RYR1: variants seen among roughly 807,000 people sequenced by gnomAD.
RYR1 encodes the protein ryanodine receptor 1, also known as central core disease of muscle.
In RYR1, 342 loss-of-function variants were observed where a neutral mutation model predicts 583.5. The observed-to-expected ratio is 0.59, with a 90% CI of 0.54 to 0.64. The LOEUF (loss-of-function observed/expected upper bound fraction) is 0.64, where lower values mean the gene tolerates loss of function less well. Among genes scored for constraint, RYR1 ranks in the 30% least tolerant of loss-of-function variants. The pLI, the probability that RYR1 is intolerant of heterozygous loss-of-function variation, is 0.00. For synonymous variants in RYR1, 2,791 were observed against 2,822.5 expected, an observed-to-expected ratio of 0.99 and a Z score of 0.35; for missense variants, 6,032 against 6,917.2, an observed-to-expected ratio of 0.87 and a Z score of 4.54.
rs1386118815 is a variant in RYR1 at position 38,483,039 on chromosome 19, A to T, written c.4633A>T (p.Thr1545Ser). ...SNTFFQVEPN[T>S]KLFPAVFVLP... The stretch of plus-strand genomic sequence containing the variant: ...TCTCCTCTGCCAGGTGGAACCCAAC[A>T]CTAAGCTATTTCCTGCCGTCTTCGT... The change falls in exon 32 of 106, where the codon ACT becomes TCT. Residue 1545 changes from threonine (T) to serine (S), a missense_variant. Physicochemically the swap from Thr to Ser is moderately conservative, Grantham distance 58. Around this residue, in one of 11 missense-constraint regions of RYR1, gnomAD observed 2,627 missense variants for 2,961.3 expected, o/e 0.89. Transcript: ENST00000359596. The surrounding 1 kb of genome is among the most constrained non-coding windows in gnomAD (Gnocchi z 6.3). 6.2e-7 allele frequency: 1 copy of T among 1,614,018 alleles called. No homozygotes were observed. The highest frequency in any genetic ancestry group is 1.6e-4 in the Middle Eastern group (1 of 6,062).
At position 38,516,205 on chromosome 19, in the gene RYR1, C is replaced by A. The variant is rs766665861; in HGVS notation, c.9673C>A (p.Arg3225=). Reference sequence around the variant, plus strand: ...CTCCGTGTACACCACCAAGTCTCCGCGGGAGCGGGCCAGTAAGCTGTGTGG... The same window carrying A: ...CTCCGTGTACACCACCAAGTCTCCGAGGGAGCGGGCCAGTAAGCTGTGTGG... ...ACSVYTTKSP[R]ERAILGLPNS... is the part of the protein sequence containing the mutation. Residue 3225 remains arginine, a synonymous_variant, in exon 65 of 106, where the codon CGG becomes AGG. Coordinates refer to ENST00000359596, the MANE Select transcript of RYR1 (RefSeq NM_000540.3). 5 of 1,584,366 alleles carry A rather than the reference C, an allele frequency of 3.2e-6. No individual in the cohort carries two copies. The highest frequency in any genetic ancestry group is 1.3e-5 in the African/African-American group (1 of 74,360).
chr19:38,502,377 G>A (rs1247678608), intron 47 of RYR1, 130 bp from the exon 48 acceptor site: 4 of 822,772 alleles, frequency 4.9e-6, no homozygotes, highest in Non-Finnish European at 8.0e-6. Flanking sequence ...GAGGGTGGTA[G>A]AGATTGGGAG....
chr19:38,459,564 C>T (rs192376628), intron 19 of RYR1, among the ~76,000 whole-genome samples: 13 of 152,232 alleles, frequency 8.5e-5, no homozygotes, highest in African/African-American at 3.1e-4. Flanking sequence ...TTCCAGTAAC[C>T]TCTGAGATAA....
In RYR1 at chr19:38,496,416, G is replaced by T; in HGVS notation, c.6671G>T (p.Arg2224Leu). 6.2e-7 allele frequency: 1 copy of T among 1,613,814 alleles called. No individual in the cohort carries two copies. The highest frequency in any genetic ancestry group is 8.5e-7 in the Non-Finnish European group (1 of 1,180,030). The part of the protein sequence containing the change: ...VLGGGESKEI[R>L]FPKMVTSCCR... ...CCACCCTGCCTGTCCCAGGAGATCC[G>T]CTTCCCCAAGATGGTGACAAGCTGC... Residue 2224 changes from arginine to leucine, a missense_variant, in exon 41 of 106, where the codon CGC becomes CTC. Coordinates refer to ENST00000359596, the MANE Select transcript of RYR1 (RefSeq NM_000540.3). The surrounding 1 kb of genome is among the most constrained non-coding windows in gnomAD (Gnocchi z 4.8).
chr19:38,491,311 T>C (rs534092487), intron 37 of RYR1, among the ~76,000 whole-genome samples: 2 of 152,090 alleles, frequency 1.3e-5, no homozygotes, highest in South Asian at 2.1e-4. Flanking sequence ...AGTTGGAATA[T>C]TTTTGACAAT....
At chr19:38,479,971 C>T (rs905388900) in intron 31 of RYR1, among the ~76,000 whole-genome samples, 1 of 151,980 alleles carries the variant, frequency 6.6e-6, no homozygotes, top group Non-Finnish European at 1.5e-5. Flanking sequence ...CCTTCTGCCT[C>T]AGCCTCCCAA....
chr19:38,577,138 G>A (rs1487339893), intron 97 of RYR1, among the ~76,000 whole-genome samples: 2 of 151,888 alleles, frequency 1.3e-5, no homozygotes, highest in Admixed American at 6.6e-5. Flanking sequence ...CACCCGCCTC[G>A]GCCTCCCAAA....
intron 66 of RYR1, 79 bp downstream of exon 66, chr19:38,517,770 C>A: frequency 7.2e-7 from 1 of 1,385,976 alleles, no homozygotes; most frequent in Non-Finnish European, 1.0e-6. Context: ...AAAGGGAGAC[C>A]CATGGTCCCC....
In RYR1 at chr19:38,561,091, T is replaced by C; in HGVS notation, c.12283-22T>C. 1 of 1,604,414 alleles carries C rather than the reference T, an allele frequency of 6.2e-7. No individual in the cohort carries two copies. The highest frequency in any genetic ancestry group is 1.1e-5 in the South Asian group (1 of 90,828). ...ATTGAGGCTCTCCAGGTCACCCCACTGACCTCCCTGCCCGCCCCCAGGCCA... is the reference window on the plus strand; with the variant it reads ...ATTGAGGCTCTCCAGGTCACCCCACCGACCTCCCTGCCCGCCCCCAGGCCA... On this transcript the variant is annotated intron_variant, in intron 89 of 105. Transcript: ENST00000359596. This position sits in a 1 kb window ranked among gnomAD's most constrained non-coding sequence, Gnocchi z 4.8.
chr19:38,521,300 G>A (rs1219626354), intron 67 of RYR1, among the ~76,000 whole-genome samples: 1 of 151,086 alleles, frequency 6.6e-6, no homozygotes, highest in Non-Finnish European at 1.5e-5. Context: ...TCTCAATAAG[G>A]TTTGTTTTTT....
rs1970537849 is a variant in RYR1 at position 38,507,701 on chromosome 19, TCTC to T, written c.8817-9_8817-7del. 2 of 1,558,970 alleles carry T rather than the reference TCTC, an allele frequency of 1.3e-6. No homozygotes were observed. The highest frequency in any genetic ancestry group is 1.8e-6 in the Non-Finnish European group (2 of 1,130,026). ...GTCTGGGCTGATCCTTCTCTCCACA[TCTC>T]CATGCAGAGGCCTTAAGGACATGGA... On this transcript the variant is annotated splice_region_variant and splice_polypyrimidine_tract_variant and intron_variant, in intron 57 of 105. Transcript: ENST00000359596.
chr19:38,483,514 C>T lies in RYR1; in HGVS notation c.4932C>T (p.Asn1644=). The part of the protein sequence containing the change: ...TMMALHIPEE[N]RCMDILELSE... ...TGGCGCTGCACATCCCCGAGGAGAA[C>T]CGGTCAGGGCCAGCCCAGCTATGCA... The change falls in exon 33 of 106, where the codon AAC becomes AAT. Residue 1644 remains asparagine (N), a splice_region_variant and synonymous_variant. Coordinates refer to ENST00000359596, the MANE Select transcript of RYR1 (RefSeq NM_000540.3). This position sits in a 1 kb window ranked among gnomAD's most constrained non-coding sequence, Gnocchi z 6.3. The T allele has an allele frequency of 1.9e-6, 3 of 1,545,044 alleles. No individual in the cohort carries two copies. Among genetic ancestry groups the T allele is most frequent in the Non-Finnish European group, 2.6e-6 (3 of 1,149,428 alleles).
chr19:38,507,035 T>TGG, intron 57 of RYR1, 83 bp downstream of exon 57: 1 of 1,590,142 alleles, frequency 6.3e-7, no homozygotes, highest in East Asian at 2.3e-5. Context: ...CAGAGAGGGG[T>TGG]GGAGCCGAGA....
chr19:38,453,760 G>A (rs1486131069), intron 13 of RYR1, among the ~76,000 whole-genome samples: 1 of 152,024 alleles, frequency 6.6e-6, no homozygotes, highest in Non-Finnish European at 1.5e-5. Flanking sequence ...TGAGGTGGGC[G>A]GGTGTTTGGC....
intron 89 of RYR1, among the ~76,000 whole-genome samples, chr19:38,552,113 A>T (rs1972689909): frequency 6.6e-6 from 1 of 151,764 alleles, no homozygotes; most frequent in Admixed American, 6.6e-5. Context: ...ACACCCGGCT[A>T]CTTTTATTTA....
chr19:38,469,329 G>A lies in RYR1; in HGVS notation c.3581G>A (p.Gly1194Glu), dbSNP rs1262460201. 2 of 1,613,904 alleles carry A rather than the reference G, an allele frequency of 1.2e-6. No individual in the cohort carries two copies. Among genetic ancestry groups the A allele is most frequent in the Admixed American group, 1.7e-5 (1 of 59,976 alleles). ...GDGFLPVCSL[G>E]PGQVGHLNLG... Reference sequence around the variant, plus strand: ...GGCTTCCTGCCCGTCTGCAGCTTGGGACCTGGCCAGGTGGGTCATCTGAAC... The same window carrying A: ...GGCTTCCTGCCCGTCTGCAGCTTGGAACCTGGCCAGGTGGGTCATCTGAAC... The change falls in exon 27 of 106, where the codon GGA becomes GAA. Residue 1194 changes from glycine (G) to glutamate (E), a missense_variant. Coordinates refer to ENST00000359596, the MANE Select transcript of RYR1 (RefSeq NM_000540.3).
rs372336118 is a variant in RYR1 at position 38,501,144 on chromosome 19, G to A, written c.7614+154G>A. On this transcript the variant is annotated intron_variant, in intron 47 of 105. Transcript: ENST00000359596. ...CATCATCAAGATAGAAAATGAAAAC[G>A]AAGAAACACTGAATTCCGATGAAGG... is the stretch of plus-strand genomic sequence containing the variant. Among the ~76,000 whole-genome samples the A allele has an allele frequency of 8.5e-5, 13 of 152,288 alleles. No individual in the cohort carries two copies. The East Asian group carries it at 1.5e-3, about 18-fold the overall frequency.
intron 16 of RYR1, among the ~76,000 whole-genome samples, chr19:38,456,839 G>A (rs530764853): frequency 9.9e-5 from 15 of 151,388 alleles, no homozygotes; most frequent in African/African-American, 3.4e-4. Flanking sequence ...GAGGTCAGGA[G>A]ATCGAGACCA....
chr19:38,483,406 C>A lies in RYR1; in HGVS notation c.4824C>A (p.Pro1608=). The change falls in exon 33 of 106, where the codon CCC becomes CCA. Residue 1608 remains proline (P), a synonymous_variant. Transcript: ENST00000359596. This position sits in a 1 kb window ranked among gnomAD's most constrained non-coding sequence, Gnocchi z 6.3. ...MLMPVSWSRM[P]NHFLQVETRR... ...TGCCAGTGTCCTGGAGCCGCATGCCCAACCACTTCCTGCAGGTGGAGACGA... is the reference window on the plus strand; with the variant it reads ...TGCCAGTGTCCTGGAGCCGCATGCCAAACCACTTCCTGCAGGTGGAGACGA... The A allele has an allele frequency of 6.4e-7, 1 of 1,574,466 alleles. No individual in the cohort carries two copies.
Sources: gnomAD v4.1 joint callset for allele counts (sites outside exome capture counted in the v4.1 genomes callset) on GRCh38, gnomAD v4.1.1 for gene constraint, gnomAD v4.1.1 regional missense constraint, Gnocchi (gnomAD v3.1) non-coding constraint, MANE v1.5 for transcripts, NCBI Gene and HGNC (gene_info 2026-07-23, HGNC 2026-07-21) for gene names.